The following CYYR1 variants were observed in gnomAD, a reference collection of about 807,000 sequenced individuals.
CYYR1 encodes the protein cysteine and tyrosine rich 1.
CYYR1 carries 14 observed loss-of-function variants against 15.2 expected under a neutral mutation model. The ratio of observed to expected loss-of-function variants is 0.92; its 90% CI spans 0.61 to 1.44. CYYR1 has a LOEUF of 1.44. Ranked by LOEUF, CYYR1 falls within the 40% of genes most tolerant of loss-of-function variation. The pLI, the probability that CYYR1 is intolerant of heterozygous loss-of-function variation, is 0.00. For synonymous variants in CYYR1, 80 were observed against 77.4 expected (o/e 1.03, Z -0.18); for missense variants, 228 against 209.5 (o/e 1.09, Z -0.54).
intron 2 of CYYR1, among the ~76,000 whole-genome samples, chr21:26,481,032 A>G (rs536028028): frequency 3.9e-5 from 6 of 152,310 alleles, no homozygotes; most frequent in African/African-American, 1.4e-4. Flanking sequence ...GATTTCTACT[A>G]ATGTTAATGG....
At chr21:26,543,555 G>A (rs1197071793) in intron 2 of CYYR1, among the ~76,000 whole-genome samples, 1 of 152,198 alleles carries the variant, frequency 6.6e-6, no homozygotes, top group African/African-American at 2.4e-5. Context: ...AGCAAAGCAT[G>A]TACTGAAGTT....
chr21:26,515,602 T>C (rs1455559063), intron 2 of CYYR1, among the ~76,000 whole-genome samples: 1 of 152,164 alleles, frequency 6.6e-6, no homozygotes, highest in Non-Finnish European at 1.5e-5. Context: ...GTTCAAGTGA[T>C]CCACCCATGT....
At chr21:26,544,633 A>G (rs1038181737) in intron 2 of CYYR1, among the ~76,000 whole-genome samples, 3 of 152,202 alleles carry the variant, frequency 2.0e-5, no homozygotes, top group African/African-American at 4.8e-5. Context: ...CATCCTGGTG[A>G]CCCTGAAGAA....
intron 2 of CYYR1, chr21:26,482,331 G>C (rs1489131174): frequency 1.0e-6 from 1 of 984,830 alleles, no homozygotes; most frequent in Non-Finnish European, 1.2e-6. Context: ...TCTGCTCCTT[G>C]CAAAAATTCC....
At chr21:26,544,043 T>C (rs889604565) in intron 2 of CYYR1, among the ~76,000 whole-genome samples, 14 of 152,210 alleles carry the variant, frequency 9.2e-5, no homozygotes, top group Non-Finnish European at 2.9e-5. Flanking sequence ...ATAAGGGAGA[T>C]TGGACATTAG....
At chr21:26,520,505 G>T (rs761903054) in intron 2 of CYYR1, among the ~76,000 whole-genome samples, 3 of 152,064 alleles carry the variant, frequency 2.0e-5, no homozygotes, top group Non-Finnish European at 2.9e-5. Context: ...TTGGTTCCAT[G>T]TCTTTGCTAT....
At chr21:26,477,230 T>C (rs113128533) in intron 3 of CYYR1, among the ~76,000 whole-genome samples, 1,725 of 152,302 alleles carry the variant, frequency 0.011, 28 homozygotes, top group African/African-American at 0.038. Context: ...AAGCATTTTG[T>C]GTTTCCATAG....
intron 3 of CYYR1, among the ~76,000 whole-genome samples, chr21:26,470,339 A>G (rs918950815): frequency 1.3e-5 from 2 of 152,116 alleles, no homozygotes; most frequent in Non-Finnish European, 2.9e-5. Context: ...ACTGATATGC[A>G]GAAAAAAACT....
intron 2 of CYYR1, among the ~76,000 whole-genome samples, chr21:26,495,161 G>A (rs1345836363): frequency 6.6e-6 from 1 of 152,168 alleles, no homozygotes; most frequent in Non-Finnish European, 1.5e-5. Flanking sequence ...TGGACAGGCG[G>A]AATAAGGAGA....
chr21:26,478,933 G>C (rs1054690301), intron 3 of CYYR1, among the ~76,000 whole-genome samples: 1 of 152,088 alleles, frequency 6.6e-6, no homozygotes, highest in Non-Finnish European at 1.5e-5. Flanking sequence ...GCTGTGAGTG[G>C]ACAGGGGTTT....
At chr21:26,548,994 T>C (rs1042156512) in intron 2 of CYYR1, among the ~76,000 whole-genome samples, 1 of 152,148 alleles carries the variant, frequency 6.6e-6, no homozygotes, top group Non-Finnish European at 1.5e-5. Context: ...TTTTGTTCCT[T>C]GTGTGCAAAT....
chr21:26,532,464 T>G (rs2123610316), intron 2 of CYYR1, among the ~76,000 whole-genome samples: 1 of 152,284 alleles, frequency 6.6e-6, no homozygotes, highest in South Asian at 2.1e-4. Flanking sequence ...CAGAATGCTC[T>G]TATCCCTAGA....
chr21:26,476,616 C>CTATCTATCTATCTATCTATCTATCTATT (rs1569138586), intron 3 of CYYR1, among the ~76,000 whole-genome samples: 5 of 151,834 alleles, frequency 3.3e-5, no homozygotes, highest in African/African-American at 9.7e-5. Context: ...ATCTATCTAT[C>CTATCTATCTATCTATCTATCTATCTATT]TATCTATCTA....
At chr21:26,478,308 A>G (rs1020012666) in intron 3 of CYYR1, among the ~76,000 whole-genome samples, 1 of 152,012 alleles carries the variant, frequency 6.6e-6, no homozygotes, top group Non-Finnish European at 1.5e-5. Context: ...ATCAGGGCAG[A>G]CTCCATTCAG....
intron 2 of CYYR1, among the ~76,000 whole-genome samples, chr21:26,549,409 TC>T (rs2055626556): frequency 6.6e-6 from 1 of 152,238 alleles, no homozygotes; most frequent in Non-Finnish European, 1.5e-5. Context: ...AATATTGTAC[TC>T]TTTTCCCTTT....
At chr21:26,521,322 C>T (rs2065801683) in intron 2 of CYYR1, among the ~76,000 whole-genome samples, 1 of 152,186 alleles carries the variant, frequency 6.6e-6, no homozygotes. Flanking sequence ...AATAACCCAT[C>T]ATGCTAACCA....
At chr21:26,477,777 G>T in intron 3 of CYYR1, 1 of 984,900 alleles carries the variant, frequency 1.0e-6, no homozygotes, top group Non-Finnish European at 1.2e-6. Context: ...ACTTTCTTCT[G>T]TTTTTCTCTT....
At chr21:26,545,785 G>A (rs900325542) in intron 2 of CYYR1, among the ~76,000 whole-genome samples, 1 of 151,540 alleles carries the variant, frequency 6.6e-6, no homozygotes, top group Non-Finnish European at 1.5e-5. Context: ...GGGTTTCACC[G>A]TGTTAGCCAG....
intron 2 of CYYR1, among the ~76,000 whole-genome samples, chr21:26,510,970 A>G (rs2065639359): frequency 6.6e-6 from 1 of 152,224 alleles, no homozygotes; most frequent in South Asian, 2.1e-4. Flanking sequence ...GGAATTCCTC[A>G]GCAGACTTTT....
Sources: allele counts gnomAD v4.1 joint callset (sites outside exome capture counted in the v4.1 genomes callset), GRCh38; gene constraint gnomAD v4.1.1; transcripts MANE v1.5; gene names NCBI Gene and HGNC (gene_info 2026-07-23, HGNC 2026-07-21).